THRB: variants seen among roughly 807,000 people sequenced by gnomAD.
The protein encoded by THRB is thyroid hormone receptor beta, also known as nuclear receptor subfamily 1 group A member 2.
Under a neutral mutation model 47.8 loss-of-function variants are expected in THRB, and 12 were observed. The observed-to-expected ratio is 0.25, with a 90% CI of 0.16 to 0.41. THRB has a LOEUF of 0.41. Among genes scored for constraint, THRB ranks in the 10% least tolerant of loss-of-function variants. The pLI is 1.00. For missense variants in THRB, 348 were observed against 589.2 expected (o/e 0.59, Z 4.24); for synonymous variants, 218 against 212.2 (o/e 1.03, Z -0.24).
intron 4 of THRB, among the ~76,000 whole-genome samples, chr3:24,199,463 G>C (rs1172098798): frequency 1.3e-5 from 2 of 152,152 alleles, no homozygotes; most frequent in Non-Finnish European, 2.9e-5. Context: ...ATCACAGAGT[G>C]CTTCTCCTAT....
chr3:24,296,474 T>C (rs983276716), intron 3 of THRB, among the ~76,000 whole-genome samples: 2 of 152,254 alleles, frequency 1.3e-5, no homozygotes, highest in African/African-American at 4.8e-5. Context: ...GTGTGACCCC[T>C]ACTATGTGCC....
At chr3:24,213,036 T>C (rs1195547385) in intron 4 of THRB, among the ~76,000 whole-genome samples, 3 of 152,070 alleles carry the variant, frequency 2.0e-5, no homozygotes, top group African/African-American at 7.2e-5. Flanking sequence ...CGGTATGACA[T>C]GAACAATGGG....
intron 2 of THRB, among the ~76,000 whole-genome samples, chr3:24,315,117 T>C (rs1187394945): frequency 6.6e-6 from 1 of 152,146 alleles, no homozygotes; most frequent in Non-Finnish European, 1.5e-5. Context: ...TTAGGAAGGA[T>C]ACATTAGAAT....
At chr3:24,377,341 T>C (rs546073863) in intron 1 of THRB, among the ~76,000 whole-genome samples, 8 of 152,252 alleles carry the variant, frequency 5.3e-5, no homozygotes, top group Non-Finnish European at 5.9e-5. Context: ...GTCCTATTTC[T>C]TGGACACAGG....
chr3:24,374,851 A>T (rs1186003009), intron 1 of THRB, among the ~76,000 whole-genome samples: 6 of 152,092 alleles, frequency 3.9e-5, no homozygotes, highest in African/African-American at 1.4e-4. Flanking sequence ...CTTACTGAAA[A>T]ATCCTTACTA....
At chr3:24,317,116 T>C (rs1018242219) in intron 2 of THRB, among the ~76,000 whole-genome samples, 9 of 152,202 alleles carry the variant, frequency 5.9e-5, no homozygotes, top group Non-Finnish European at 1.0e-4. Flanking sequence ...TCCTTTGAGT[T>C]TATCCTGTAT....
intron 1 of THRB, among the ~76,000 whole-genome samples, chr3:24,408,428 C>T (rs1458756932): frequency 1.3e-5 from 2 of 151,770 alleles, no homozygotes; most frequent in Non-Finnish European, 2.9e-5. Flanking sequence ...TGTGATCACA[C>T]CAAATTTCGA....
rs549186897 is a variant in THRB at position 24,400,529 on chromosome 3, A to G, written c.-260-63158T>C. On this transcript the variant is annotated intron_variant, in intron 1 of 10. Coordinates refer to ENST00000646209, the MANE Select transcript of THRB (RefSeq NM_001354712.2). ...CAAAAGCTTATGAAAAACACTCAAA[A>G]AGAGTTCAAGGTAGACTGGCAATAG... Among the ~76,000 whole-genome samples the G allele has an allele frequency of 3.4e-4, 52 of 152,202 alleles. No individual in the cohort carries two copies. In the South Asian group the frequency reaches 5.8e-3, roughly 17 times the overall value.
intron 2 of THRB, chr3:24,318,264 C>G (rs868842353): frequency 2.6e-5 from 4 of 152,226 alleles, no homozygotes; most frequent in Non-Finnish European, 5.9e-5. Context: ...CAGCCCTGTA[C>G]ACATCCTGGC....
At chr3:24,281,751 A>C (rs2054634208) in intron 3 of THRB, among the ~76,000 whole-genome samples, 1 of 143,822 alleles carries the variant, frequency 7.0e-6, no homozygotes, top group Non-Finnish European at 1.5e-5. Context: ...TCTACCAAGC[A>C]AATGGAAAAC....
chr3:24,353,798 A>C (rs2063505070), intron 1 of THRB, among the ~76,000 whole-genome samples: 1 of 152,156 alleles, frequency 6.6e-6, no homozygotes, highest in Non-Finnish European at 1.5e-5. Context: ...TCTTAATCTA[A>C]ATAATGCAAT....
intron 4 of THRB, among the ~76,000 whole-genome samples, chr3:24,192,933 A>T (rs747263068): frequency 2.0e-5 from 3 of 152,160 alleles, no homozygotes; most frequent in Non-Finnish European, 4.4e-5. Context: ...GAGACTGAGA[A>T]GTCCCGGTTG....
intron 1 of THRB, among the ~76,000 whole-genome samples, chr3:24,478,426 T>G (rs1247958879): frequency 6.6e-6 from 1 of 152,216 alleles, no homozygotes; most frequent in African/African-American, 2.4e-5. Flanking sequence ...ACATGTTACA[T>G]CTTACTATAT....
intron 1 of THRB, among the ~76,000 whole-genome samples, chr3:24,490,420 A>G (rs1386860931): frequency 6.6e-6 from 1 of 152,204 alleles, no homozygotes; most frequent in East Asian, 1.9e-4. Flanking sequence ...CCAACCCAGA[A>G]GGGAAAGAGA....
rs568252682 is a variant in THRB, at chr3:24,302,094, G to A, written c.-188-4723C>T. ...AGGTTGGTGATAATTTGTTATGGCA[G>A]CAATAGCAAATCAATACATGTTTGC... On this transcript the variant is annotated intron_variant, in intron 2 of 10. Coordinates refer to ENST00000646209, the MANE Select transcript of THRB (RefSeq NM_001354712.2). 3.3e-5 allele frequency among the ~76,000 whole-genome samples: 5 copies of A among 152,358 alleles called. No individual in the cohort carries two copies. In the East Asian group the frequency reaches 7.7e-4, roughly 23 times the overall value.
At chr3:24,204,955 A>C (rs940212570) in intron 4 of THRB, among the ~76,000 whole-genome samples, 1 of 152,216 alleles carries the variant, frequency 6.6e-6, no homozygotes, top group Non-Finnish European at 1.5e-5. Flanking sequence ...TTTAGAGAAA[A>C]AAGAGTAAAA....
Position 24,484,381 on chromosome 3 carries a change from G to A in THRB, c.-261+10271C>T, listed in dbSNP as rs140491306. Among the ~76,000 whole-genome samples, 249 of 152,214 alleles carry A rather than the reference G, an allele frequency of 1.6e-3. 5 individuals carry two copies. Among genetic ancestry groups the A allele is most frequent in the East Asian group, 0.011 (56 of 5,182 alleles). ...ACTAGCCATAAGTGGCTATTAAGAT[G>A]TGCTGCAAGTGTAAAATACACACCA... On this transcript the variant is annotated intron_variant, in intron 1 of 10. Transcript: ENST00000646209.
chr3:24,424,780 C>A (rs968522849), intron 1 of THRB, among the ~76,000 whole-genome samples: 1 of 151,874 alleles, frequency 6.6e-6, no homozygotes, highest in Non-Finnish European at 1.5e-5. Flanking sequence ...TTCTTTAATT[C>A]ACTTTTATTG....
chr3:24,447,400 G>T (rs888185057), intron 1 of THRB, among the ~76,000 whole-genome samples: 4 of 152,126 alleles, frequency 2.6e-5, no homozygotes, highest in African/African-American at 4.8e-5. Context: ...AAGTGAACCT[G>T]CAGTGAACCT....
Sources: allele counts gnomAD v4.1 joint callset (sites outside exome capture counted in the v4.1 genomes callset), GRCh38; gene constraint gnomAD v4.1.1; transcripts MANE v1.5; gene names NCBI Gene and HGNC (gene_info 2026-07-23, HGNC 2026-07-21).